The following KCTD13 variants were observed in gnomAD, a reference collection of about 807,000 sequenced individuals.
KCTD13 encodes potassium channel tetramerization domain containing 13, also known as BTB/POZ domain-containing adapter for CUL3-mediated RhoA degradation protein 1.
A neutral mutation model predicts 32.3 loss-of-function variants in KCTD13; 15 were observed. The ratio of observed to expected loss-of-function variants is 0.46; its 90% CI spans 0.31 to 0.71. The LOEUF is 0.71. KCTD13 is among the 30% of genes least tolerant of loss of function. The pLI, the probability that KCTD13 is intolerant of heterozygous loss-of-function variation, is 0.05. For missense variants in KCTD13, 337 were observed against 452.6 expected (o/e 0.74, Z 2.32); for synonymous variants, 189 against 200.1 (o/e 0.94, Z 0.47).
chr16:29,911,530 A>G (rs2068709141), intron 4 of KCTD13: 4 of 583,258 alleles, frequency 6.9e-6, no homozygotes, highest in Non-Finnish European at 1.2e-5. Flanking sequence ...AACAGTACTG[A>G]CCTCAAGGGG....
chr16:29,911,739 G>T, intron 4 of KCTD13, 76 bp downstream of exon 4: 1 of 1,519,572 alleles, frequency 6.6e-7, no homozygotes, highest in Non-Finnish European at 9.1e-7. Context: ...GTGTGGCCGT[G>T]GCCCTCGCCT....
chr16:29,923,097 C>T, intron 2 of KCTD13, 93 bp downstream of exon 2: 1 of 1,396,936 alleles, frequency 7.2e-7, no homozygotes, highest in Non-Finnish European at 9.7e-7. Context: ...CCAGGCTCTC[C>T]AAGCCATACC....
At position 29,926,151 on chromosome 16, in the gene KCTD13, T is replaced by C; in HGVS notation, c.-118A>G. On this transcript the variant is annotated 5_prime_UTR_variant, in exon 1 of 6. Transcript: ENST00000568000. ...CAGACCGCTCGGCGCACACGCCCAC[T>C]CACCGCAGCTACTCTGCAAGACCGG... The C allele has an allele frequency of 1.1e-5, 13 of 1,172,734 alleles. No homozygotes were observed. Among genetic ancestry groups the C allele is most frequent in the Non-Finnish European group, 1.5e-5 (13 of 883,260 alleles). The allele number at this position is 1,172,734 out of a possible 1,614,324, so 72.6% of individuals were successfully genotyped here. A position where few individuals can be genotyped will look rare whatever the true frequency, so the allele number is the denominator to read the frequency against.
Position 29,907,088 on chromosome 16 carries a change from C to G in KCTD13, c.774G>C (p.Arg258=), listed in dbSNP as rs757712712. ...KQTKVEFPEA[R]IFEETLNILI... The stretch of plus-strand genomic sequence containing the variant: ...GGATGTTCAGGGTCTCCTCGAAGAT[C>G]CGGGCCTCTGGAAATTCCACCTGCA... Residue 258 remains arginine (R), a synonymous_variant, in exon 6 of 6, where the codon CGG becomes CGC. Transcript: ENST00000568000. 11 of 1,606,632 alleles carry G rather than the reference C, an allele frequency of 6.8e-6. No homozygotes were observed. The highest frequency in any genetic ancestry group is 2.2e-5 in the East Asian group (1 of 44,694).
At position 29,906,704 on chromosome 16, in the gene KCTD13, G is replaced by C. The variant is rs2068619209; in HGVS notation, c.*168C>G. On this transcript the variant is annotated 3_prime_UTR_variant, in exon 6 of 6. Coordinates refer to ENST00000568000, the MANE Select transcript of KCTD13 (RefSeq NM_178863.5). The stretch of plus-strand genomic sequence containing the variant: ...GGAATGTACCATGTTGTTAGCAATG[G>C]GGTTGGGATGGGTGGAGAAGGGCCA... 7.3e-6 allele frequency: 5 copies of C among 681,372 alleles called. No individual in the cohort carries two copies. Among genetic ancestry groups the C allele is most frequent in the South Asian group, 4.9e-5 (3 of 61,482 alleles). The allele number at this position is 681,372 out of a possible 1,614,324, so 42.2% of individuals were successfully genotyped here. A position where few individuals can be genotyped will look rare whatever the true frequency, so the allele number is the denominator to read the frequency against.
intron 5 of KCTD13, among the ~76,000 whole-genome samples, chr16:29,910,307 A>G (rs187882420): frequency 1.4e-4 from 22 of 152,186 alleles, no homozygotes; most frequent in African/African-American, 4.8e-4. Flanking sequence ...CTGAGGCAGA[A>G]GAATCGCTTG....
chr16:29,917,259 T>C (rs973990834), intron 2 of KCTD13, among the ~76,000 whole-genome samples: 1 of 152,138 alleles, frequency 6.6e-6, no homozygotes, highest in Non-Finnish European at 1.5e-5. Flanking sequence ...CCTCACCCTA[T>C]GGAAGACAAA....
intron 4 of KCTD13, 69 bp from the exon 5 acceptor site, chr16:29,911,242 G>C: frequency 8.2e-7 from 1 of 1,226,254 alleles, no homozygotes; most frequent in Non-Finnish European, 1.2e-6. Flanking sequence ...CAGAAGACGG[G>C]CCTGGATGCA....
intron 1 of KCTD13, among the ~76,000 whole-genome samples, chr16:29,925,114 C>G (rs1188908227): frequency 6.6e-6 from 1 of 152,168 alleles, no homozygotes; most frequent in Non-Finnish European, 1.5e-5. Context: ...TTAAGACTCT[C>G]CCACTCCCAA....
At chr16:29,916,452 C>T (rs2068811352) in intron 2 of KCTD13, among the ~76,000 whole-genome samples, 1 of 152,210 alleles carries the variant, frequency 6.6e-6, no homozygotes, top group Admixed American at 6.5e-5. Context: ...CAGCTTCTTC[C>T]CACTTCTCAG....
chr16:29,915,854 T>C (rs1484715789), intron 2 of KCTD13, among the ~76,000 whole-genome samples: 1 of 152,228 alleles, frequency 6.6e-6, no homozygotes, highest in Non-Finnish European at 1.5e-5. Flanking sequence ...TTTAATGCCT[T>C]GTATTTAATC....
At chr16:29,924,174 C>CAAAAAAAAAAAAAAAAAAAAAA in intron 1 of KCTD13, among the ~76,000 whole-genome samples, 1 of 143,614 alleles carries the variant, frequency 7.0e-6, no homozygotes, top group Non-Finnish European at 1.5e-5. Flanking sequence ...AACTCCATCT[C>CAAAAAAAAAAAAAAAAAAAAAA]AAAAAAAAAG....
rs746018086 is a variant in KCTD13 at position 29,925,992 on chromosome 16, C to T, written c.42G>A (p.Pro14=). The T allele has an allele frequency of 3.8e-6, 6 of 1,591,990 alleles. No individual in the cohort carries two copies. The Admixed American group carries it at 7.2e-5, about 19-fold the overall frequency. Residue 14 remains proline, a synonymous_variant, in exon 1 of 6, where the codon CCG becomes CCA. Coordinates refer to ENST00000568000, the MANE Select transcript of KCTD13 (RefSeq NM_178863.5). ...CCGAGGGCTTGGGGGCTTCCAGGGA[C>T]GGGGCCGCGGCGGCAGCCGGGCCCG... ...EASGPAAAAA[P]SLEAPKPSGL...
chr16:29,911,747 C>A, intron 4 of KCTD13, 68 bp downstream of exon 4: 1 of 1,572,630 alleles, frequency 6.4e-7, no homozygotes, highest in Non-Finnish European at 8.7e-7. Flanking sequence ...GTGGCCCTCG[C>A]CTTGGGCAGA....
chr16:29,919,554 C>G (rs2068870760), intron 2 of KCTD13: 1 of 152,112 alleles, frequency 6.6e-6, no homozygotes, highest in Non-Finnish European at 1.5e-5. Context: ...ACGTGAAGAT[C>G]TAGACTGGAC....
intron 2 of KCTD13, chr16:29,922,712 C>CT (rs1194020713): frequency 3.2e-6 from 1 of 309,396 alleles, no homozygotes; most frequent in Non-Finnish European, 5.8e-6. Context: ...AAGAATTTCA[C>CT]TGTTTAAAAA....
At chr16:29,911,203 C>T (rs761739802) in intron 4 of KCTD13, 30 bp from the exon 5 acceptor site, 63 of 1,577,308 alleles carry the variant, frequency 4.0e-5, no homozygotes, top group Middle Eastern at 1.7e-4. Flanking sequence ...GAGGCCTCAG[C>T]GCAGTTGGCA....
intron 2 of KCTD13, chr16:29,913,894 A>G (rs961939148): frequency 6.6e-6 from 1 of 152,158 alleles, no homozygotes; most frequent in Non-Finnish European, 1.5e-5. Flanking sequence ...CAGTGGCGTA[A>G]TATCGGCTCA....
rs777274102 is a variant in KCTD13, at chr16:29,925,783, C to A, written c.244+7G>T. ...GGGTGGGGGCACGGTAGGGGCGCCG[C>A]TCGTACCTCCGGCATCGGTCAGCAC... On this transcript the variant is annotated splice_region_variant and intron_variant, in intron 1 of 5. Coordinates refer to ENST00000568000, the MANE Select transcript of KCTD13 (RefSeq NM_178863.5). 4.7e-5 allele frequency: 76 copies of A among 1,612,836 alleles called. No homozygotes were observed. The highest frequency in any genetic ancestry group is 6.2e-5 in the Non-Finnish European group (73 of 1,179,778).
Sources: allele counts gnomAD v4.1 joint callset (sites outside exome capture counted in the v4.1 genomes callset), GRCh38; gene constraint gnomAD v4.1.1; transcripts MANE v1.5; gene names NCBI Gene and HGNC (gene_info 2026-07-23, HGNC 2026-07-21).